Variants in VAV2 observed in about 807,000 individuals in gnomAD.
The protein encoded by VAV2 is guanine nucleotide exchange factor VAV2.
Under a neutral mutation model 132.5 loss-of-function variants are expected in VAV2, and 67 were observed. The ratio of observed to expected loss-of-function variants is 0.51; its 90% CI spans 0.42 to 0.62. VAV2 has a LOEUF of 0.62. VAV2 is among the 20% of genes least tolerant of loss of function. The pLI, the probability that VAV2 is intolerant of heterozygous loss-of-function variation, is 0.00. For missense variants in VAV2, 938 were observed against 1,153.6 expected, an observed-to-expected ratio of 0.81 and a Z score of 2.71; for synonymous variants, 492 against 443.5, an observed-to-expected ratio of 1.11 and a Z score of -1.37.
intron 4 of VAV2, 85 bp from the exon 5 acceptor site, chr9:133,812,301 G>A: frequency 7.3e-7 from 1 of 1,365,482 alleles, no homozygotes; most frequent in South Asian, 1.2e-5. Context: ...GTCCACGAGG[G>A]ACGCAGGCGG....
chr9:133,834,334 A>G lies in VAV2; in HGVS notation c.387T>C (p.Phe129=). Residue 129 remains phenylalanine, a synonymous_variant, in exon 4 of 30, where the codon TTT becomes TTC. Coordinates refer to ENST00000371850, the MANE Select transcript of VAV2 (RefSeq NM_001134398.2). The surrounding 1 kb of genome is among the most constrained non-coding windows in gnomAD (Gnocchi z 5.9). ...SIAQNKGIRP[F]PSEETTENDD... is the part of the protein sequence containing the mutation. ...CATTCTCTGTGGTCTCCTCTGAGGG[A>G]AAAGGCCTGCGGAAGAGAAGGCGAG... The G allele has an allele frequency of 6.2e-7, 1 of 1,609,272 alleles. No individual in the cohort carries two copies. Among genetic ancestry groups the G allele is most frequent in the Non-Finnish European group, 8.5e-7 (1 of 1,177,582 alleles).
chr9:133,941,588 T>C (rs1017420696), intron 1 of VAV2, among the ~76,000 whole-genome samples: 4 of 133,074 alleles, frequency 3.0e-5, no homozygotes, highest in Non-Finnish European at 1.6e-5. Flanking sequence ...GGACAAATCC[T>C]GTGTGAGTCC....
chr9:133,990,602 G>T (rs2132322599), intron 1 of VAV2, among the ~76,000 whole-genome samples: 1 of 152,326 alleles, frequency 6.6e-6, no homozygotes, highest in East Asian at 1.9e-4. Flanking sequence ...GTCAGCCTGG[G>T]CAGCCCCTGG....
chr9:133,855,214 C>A (rs563901990), intron 3 of VAV2, among the ~76,000 whole-genome samples: 1 of 152,330 alleles, frequency 6.6e-6, no homozygotes, highest in Admixed American at 6.5e-5. Flanking sequence ...TGTTGGCGTG[C>A]GGACCCTTCA....
Position 133,904,901 on chromosome 9 carries a change from G to GCACTC in VAV2, c.321+34201_321+34202insGAGTG, listed in dbSNP as rs532697586. 5.2e-3 allele frequency among the ~76,000 whole-genome samples: 787 copies of GCACTC among 152,320 alleles called. 1 individual carries two copies. The highest frequency in any genetic ancestry group is 9.0e-3 in the Non-Finnish European group (609 of 68,026). Reference sequence around the variant, plus strand: ...GTTTTTGGCCCTCGTCCACCATACAGGGCCACAGCACCAGCACTGCTGCAC... The same window carrying GCACTC: ...GTTTTTGGCCCTCGTCCACCATACAGCACTCGGCCACAGCACCAGCACTGCTGCAC... On this transcript the variant is annotated intron_variant, in intron 2 of 29. Transcript: ENST00000371850.
rs749183946 is a variant in VAV2 at position 133,918,087 on chromosome 9, T to C, written c.321+21016A>G. ...CAAAGTGATTGAGACTCTAACACCA[T>C]TAAACATGATTTAATTTGCTTTTCC... is the stretch of plus-strand genomic sequence containing the variant. On this transcript the variant is annotated intron_variant, in intron 2 of 29. Coordinates refer to ENST00000371850, the MANE Select transcript of VAV2 (RefSeq NM_001134398.2). This position sits in a 1 kb window ranked among gnomAD's most constrained non-coding sequence, Gnocchi z 4.7. Among the ~76,000 whole-genome samples, 2 of 152,206 alleles carry C rather than the reference T, an allele frequency of 1.3e-5. No homozygotes were observed. Among genetic ancestry groups the C allele is most frequent in the Admixed American group, 6.5e-5 (1 of 15,284 alleles).
At chr9:133,966,504 G>A (rs932834844) in intron 1 of VAV2, among the ~76,000 whole-genome samples, 2 of 152,188 alleles carry the variant, frequency 1.3e-5, no homozygotes, top group African/African-American at 2.4e-5. Flanking sequence ...CCAGGAGTTC[G>A]AGACTGGCCT....
chr9:133,851,817 A>G (rs1837186224), intron 3 of VAV2, among the ~76,000 whole-genome samples: 1 of 144,574 alleles, frequency 6.9e-6, no homozygotes, highest in South Asian at 2.1e-4. Flanking sequence ...GGATGGATGG[A>G]TGGATGGATG....
chr9:133,795,842 A>G, intron 11 of VAV2, 106 bp from the exon 12 acceptor site: 2 of 1,266,176 alleles, frequency 1.6e-6, no homozygotes, highest in Non-Finnish European at 2.2e-6. Context: ...TCCTCAGAAG[A>G]AAGCCACCCC....
At chr9:133,976,300 C>T (rs1842507803) in intron 1 of VAV2, among the ~76,000 whole-genome samples, 1 of 152,184 alleles carries the variant, frequency 6.6e-6, no homozygotes, top group African/African-American at 2.4e-5. Context: ...GTCCCTCAAC[C>T]CCTGATGGAG....
chr9:133,978,485 C>G (rs1226250580), intron 1 of VAV2, among the ~76,000 whole-genome samples: 2 of 152,264 alleles, frequency 1.3e-5, no homozygotes, highest in East Asian at 3.8e-4. Context: ...TGGCGGGTCA[C>G]GGAAAGATAC....
At chr9:133,955,928 G>A (rs1332466466) in intron 1 of VAV2, among the ~76,000 whole-genome samples, 2 of 150,210 alleles carry the variant, frequency 1.3e-5, no homozygotes, top group Non-Finnish European at 3.0e-5. Context: ...TCAGCACAAA[G>A]GCACGGCCCC....
chr9:133,952,969 C>T (rs1202151689), intron 1 of VAV2, among the ~76,000 whole-genome samples: 1 of 148,994 alleles, frequency 6.7e-6, no homozygotes, highest in Non-Finnish European at 1.5e-5. Flanking sequence ...AGCATGGCCC[C>T]CGGGACACCT....
At chr9:133,783,876 CGT>C (rs763478939) in intron 18 of VAV2, among the ~76,000 whole-genome samples, 16,742 of 124,614 alleles carry the variant, frequency 0.13, 1,256 homozygotes, top group South Asian at 0.18. Flanking sequence ...TTGGCTGGGC[CGT>C]TTTTTTTTTT....
At chr9:133,783,147 T>G (rs1588167591) in intron 19 of VAV2, among the ~76,000 whole-genome samples, 1 of 152,204 alleles carries the variant, frequency 6.6e-6, no homozygotes, top group Non-Finnish European at 1.5e-5. Context: ...GACCGGTGTT[T>G]CTGTGATGAG....
chr9:133,888,475 G>C (rs745317894), intron 2 of VAV2, among the ~76,000 whole-genome samples: 1 of 152,226 alleles, frequency 6.6e-6, no homozygotes, highest in East Asian at 1.9e-4. Context: ...GGCCAAACAC[G>C]GACAGGCAGG....
chr9:133,905,873 CA>C (rs35937766), intron 2 of VAV2, among the ~76,000 whole-genome samples: 76,185 of 150,536 alleles, frequency 0.51, 20,415 homozygotes, highest in African/African-American at 0.69. Flanking sequence ...CCCATCTCTA[CA>C]AAAAAAAATA....
rs564527854 is a variant in VAV2, at chr9:133,895,871, T to C, written c.322-34439A>G. On this transcript the variant is annotated intron_variant, in intron 2 of 29. Transcript: ENST00000371850. Reference sequence around the variant, plus strand: ...TTCTACACACTGGCAAAAAACTGTCTTGTAAGGCCAGAGTTGTCTGGTTCT... The same window carrying C: ...TTCTACACACTGGCAAAAAACTGTCCTGTAAGGCCAGAGTTGTCTGGTTCT... Among the ~76,000 whole-genome samples, 4 of 152,282 alleles carry C rather than the reference T, an allele frequency of 2.6e-5. No individual in the cohort carries two copies. In the South Asian group the frequency reaches 8.3e-4, roughly 32 times the overall value.
At chr9:133,781,316 T>C (rs1473875837) in intron 19 of VAV2, among the ~76,000 whole-genome samples, 2 of 152,176 alleles carry the variant, frequency 1.3e-5, no homozygotes, top group African/African-American at 2.4e-5. Flanking sequence ...TCTGCCAAGG[T>C]GGCTGCCACC....
Sources: allele counts gnomAD v4.1 joint callset (sites outside exome capture counted in the v4.1 genomes callset), GRCh38; gene constraint gnomAD v4.1.1; non-coding constraint Gnocchi (gnomAD v3.1); transcripts MANE v1.5; gene names NCBI Gene and HGNC (gene_info 2026-07-23, HGNC 2026-07-21).